The following API5 variants were observed in gnomAD, a reference collection of about 807,000 sequenced individuals.
API5 encodes the protein FIF.
Under a neutral mutation model 71.9 loss-of-function variants are expected in API5, and 6 were observed. The observed-to-expected ratio is 0.08, with a 90% confidence interval of 0.05 to 0.16. The LOEUF (loss-of-function observed/expected upper bound fraction) is 0.16. Among genes scored for constraint, API5 ranks in the 10% least tolerant of loss-of-function variants. API5 has a pLI of 1.00. For missense variants in API5, 332 were observed against 612.8 expected, an observed-to-expected ratio of 0.54 and a Z score of 4.84; for synonymous variants, 189 against 221.3, an observed-to-expected ratio of 0.85 and a Z score of 1.30.
intron 13 of API5, among the ~76,000 whole-genome samples, chr11:43,340,822 C>G (rs1288649750): frequency 6.6e-6 from 1 of 152,064 alleles, no homozygotes; most frequent in Non-Finnish European, 1.5e-5. Context: ...AATGTAAGAC[C>G]TAAAACAATA....
At chr11:43,321,312 A>G (rs1211042319) in intron 3 of API5, 99 bp from the exon 4 acceptor site, 16 of 1,001,432 alleles carry the variant, frequency 1.6e-5, no homozygotes, top group Non-Finnish European at 2.4e-5. Context: ...TTTCCTGTCA[A>G]TGTAACCTTG....
chr11:43,330,501 T>C lies in API5; in HGVS notation c.1222-7T>C. The C allele has an allele frequency of 6.3e-7, 1 of 1,586,034 alleles. No individual in the cohort carries two copies. Among genetic ancestry groups the C allele is most frequent in the East Asian group, 2.2e-5 (1 of 44,604 alleles). ...CAATTTGTCTTAATTTTCCTTTCCC[T>C]TTGTAGAACAAGATTAAAGTCGTTG... On this transcript the variant is annotated splice_region_variant and splice_polypyrimidine_tract_variant and intron_variant, in intron 10 of 13. Coordinates refer to ENST00000531273, the MANE Select transcript of API5 (RefSeq NM_001142930.2).
intron 1 of API5, among the ~76,000 whole-genome samples, chr11:43,317,247 T>TG (rs1854704109): frequency 6.6e-6 from 1 of 152,250 alleles, no homozygotes; most frequent in Admixed American, 6.5e-5. Flanking sequence ...GTAGTCTTTC[T>TG]GTATTTGTTA....
At chr11:43,342,150 T>C (rs1462268191) in intron 13 of API5, among the ~76,000 whole-genome samples, 1 of 152,096 alleles carries the variant, frequency 6.6e-6, no homozygotes, top group Non-Finnish European at 1.5e-5. Context: ...CCAAAAAAAG[T>C]GTAGTTATCG....
chr11:43,334,733 G>GT (rs1486456379), intron 11 of API5, among the ~76,000 whole-genome samples: 10 of 151,462 alleles, frequency 6.6e-5, no homozygotes, highest in Admixed American at 1.3e-4. Flanking sequence ...ATCTTACACG[G>GT]TTTTTTTTGC....
In API5 at chr11:43,329,101, G is replaced by A. The variant is rs1333915661; in HGVS notation, c.1127+208G>A. ...TCACGTCTGTAATCCCAGCACTTTGGGAGGCCAAGGCAGGAGGGTTGCTTG... is the reference window on the plus strand; with the variant it reads ...TCACGTCTGTAATCCCAGCACTTTGAGAGGCCAAGGCAGGAGGGTTGCTTG... On this transcript the variant is annotated intron_variant, in intron 9 of 13. Transcript: ENST00000531273. 3 of 529,230 alleles carry A rather than the reference G, an allele frequency of 5.7e-6. No homozygotes were observed. In the African/African-American group the frequency reaches 5.7e-5, roughly 10 times the overall value. 32.8% of individuals were successfully genotyped at this position (529,230 alleles called of 1,614,324 possible).
chr11:43,341,409 TA>T (rs555874079), intron 13 of API5, among the ~76,000 whole-genome samples: 54 of 152,174 alleles, frequency 3.5e-4, no homozygotes, highest in African/African-American at 1.2e-3. Flanking sequence ...TATTCAGCCA[TA>T]AAAAAAGAAT....
At chr11:43,333,608 A>G (rs1034485999) in intron 11 of API5, among the ~76,000 whole-genome samples, 9 of 152,244 alleles carry the variant, frequency 5.9e-5, no homozygotes, top group African/African-American at 2.2e-4. Flanking sequence ...ACATTAATAC[A>G]GATAGATATA....
In API5 at chr11:43,330,075, A is replaced by G. The variant is rs567248734; in HGVS notation, c.1221+17A>G. The stretch of plus-strand genomic sequence containing the variant: ...ACAGAAGAGGTAAGAATACTGGCTC[A>G]CATTTCATAAACTGCTAGTTCCATA... On this transcript the variant is annotated intron_variant, in intron 10 of 13. Coordinates refer to ENST00000531273, the MANE Select transcript of API5 (RefSeq NM_001142930.2). The G allele has an allele frequency of 2.5e-6, 4 of 1,598,120 alleles. No homozygotes were observed. In the East Asian group the frequency reaches 8.9e-5, roughly 36 times the overall value.
At position 43,335,934 on chromosome 11, in the gene API5, A is replaced by T; in HGVS notation, c.1432A>T (p.Arg478Trp). The T allele has an allele frequency of 6.2e-7, 1 of 1,614,146 alleles. No individual in the cohort carries two copies. The highest frequency in any genetic ancestry group is 8.5e-7 in the Non-Finnish European group (1 of 1,180,008). ...KSSAGPKRDA[R>W]QIYNPPSGKY... The stretch of plus-strand genomic sequence containing the variant: ...TTCAGCAGGACCAAAAAGAGATGCC[A>T]GGCAGATTTATAACCCTCCCAGTGG... Residue 478 changes from arginine (R) to tryptophan (W), a missense_variant, in exon 13 of 14, where the codon AGG becomes TGG. Physicochemically the swap from Arg to Trp is moderately radical, Grantham distance 101. Transcript: ENST00000531273.
rs1855158007 is a variant in API5 at position 43,328,865 on chromosome 11, G to A, written c.1099G>A (p.Ala367Thr). Residue 367 changes from alanine (A) to threonine (T), a missense_variant, in exon 9 of 14, where the codon GCA becomes ACA. Ala to Thr is a moderately conservative substitution (Grantham distance 58). This residue lies in a region of API5 where 168 missense variants were observed against 343.9 expected (regional missense o/e 0.49). Transcript: ENST00000531273. ...LPDFLTAKLN[A>T]EKLKDFKIRL... ...AGATTTCTTAACAGCCAAACTGAAT[G>A]CAGAAAAGCTCAAAGATTTCAAAAT... 8.1e-6 allele frequency: 13 copies of A among 1,613,888 alleles called. No individual in the cohort carries two copies. The highest frequency in any genetic ancestry group is 1.1e-5 in the Non-Finnish European group (13 of 1,179,980).
chr11:43,327,718 AT>A (rs1329188123), intron 7 of API5, 70 bp from the exon 8 acceptor site: 2 of 1,072,616 alleles, frequency 1.9e-6, no homozygotes, highest in Non-Finnish European at 2.7e-6. Flanking sequence ...TTAAATCGTT[AT>A]CTAGAATTAC....
intron 13 of API5, among the ~76,000 whole-genome samples, chr11:43,336,912 G>A (rs971188840): frequency 4.0e-5 from 6 of 151,620 alleles, no homozygotes; most frequent in African/African-American, 1.5e-4. Flanking sequence ...GGAGGCTGAG[G>A]CAGGAGAATG....
intron 6 of API5, 142 bp from the exon 7 acceptor site, chr11:43,326,365 C>T: frequency 2.0e-6 from 1 of 493,616 alleles, no homozygotes; most frequent in Non-Finnish European, 3.6e-6. Context: ...ATATCTGGGG[C>T]ATGCTGGGGT....
At position 43,320,898 on chromosome 11, in the gene API5, G is replaced by A. The variant is rs755232455; in HGVS notation, c.309G>A (p.Thr103=). ...TTCCTCGAGTGGCAGATATACTAACGCAACTTTTGCAGACAGGTAAGGGAT... is the reference window on the plus strand; with the variant it reads ...TTCCTCGAGTGGCAGATATACTAACACAACTTTTGCAGACAGGTAAGGGAT... ...ENLPRVADIL[T]QLLQTDDSAE... Residue 103 remains threonine, a synonymous_variant, in exon 3 of 14, where the codon ACG becomes ACA. Coordinates refer to ENST00000531273, the MANE Select transcript of API5 (RefSeq NM_001142930.2). 12 of 1,611,102 alleles carry A rather than the reference G, an allele frequency of 7.4e-6. No homozygotes were observed. Among genetic ancestry groups the A allele is most frequent in the East Asian group, 2.2e-5 (1 of 44,862 alleles).
At position 43,328,705 on chromosome 11, in the gene API5, C is replaced by G; in HGVS notation, c.946-7C>G. ...GATTGCAAAATCTGTATATTTTTCT[C>G]TCTTAGGAATACATGCCCCTCCCTC... On this transcript the variant is annotated splice_polypyrimidine_tract_variant and splice_region_variant and intron_variant, in intron 8 of 13. Coordinates refer to ENST00000531273, the MANE Select transcript of API5 (RefSeq NM_001142930.2). The G allele has an allele frequency of 6.2e-7, 1 of 1,611,476 alleles. No individual in the cohort carries two copies. The highest frequency in any genetic ancestry group is 8.5e-7 in the Non-Finnish European group (1 of 1,178,434).
At chr11:43,314,693 T>C (rs928163795) in intron 1 of API5, among the ~76,000 whole-genome samples, 10 of 152,222 alleles carry the variant, frequency 6.6e-5, no homozygotes, top group Non-Finnish European at 1.3e-4. Flanking sequence ...AAACAGTATC[T>C]CTGCATAATG....
At chr11:43,329,466 A>C (rs1055945550) in intron 9 of API5, 1 of 154,834 alleles carries the variant, frequency 6.5e-6, no homozygotes, top group African/African-American at 2.4e-5. Flanking sequence ...AGGTACCCTA[A>C]CCTCTCTTGG....
At position 43,318,684 on chromosome 11, in the gene API5, T is replaced by A; in HGVS notation, c.114T>A (p.Gly38=). 1 of 1,613,554 alleles carries A rather than the reference T, an allele frequency of 6.2e-7. No homozygotes were observed. The highest frequency in any genetic ancestry group is 8.5e-7 in the Non-Finnish European group (1 of 1,180,002). The change falls in exon 2 of 14, where the codon GGT becomes GGA. Residue 38 remains glycine, a synonymous_variant. Transcript: ENST00000531273. ...TGATATTGGATGGTGTGAAAGGTGG[T>A]ACTAAGGAAAAGCGATTAGCAGCTC... ...YQVILDGVKG[G]TKEKRLAAQF...
Sources: allele counts gnomAD v4.1 joint callset (sites outside exome capture counted in the v4.1 genomes callset), GRCh38; gene constraint gnomAD v4.1.1; regional missense constraint gnomAD v4.1.1; transcripts MANE v1.5; gene names NCBI Gene and HGNC (gene_info 2026-07-23, HGNC 2026-07-21).